The following PDE8A variants were observed in gnomAD, a reference collection of about 807,000 sequenced individuals.
PDE8A encodes the protein phosphodiesterase 8A.
A neutral mutation model predicts 105.0 loss-of-function variants in PDE8A; 59 were observed. The ratio of observed to expected loss-of-function variants is 0.56; its 90% confidence interval spans 0.46 to 0.70. The LOEUF is 0.70. Ranked by LOEUF, PDE8A falls within the 30% of genes least tolerant of loss-of-function variation. The pLI is 0.00. For synonymous variants in PDE8A, 355 were observed against 371.9 expected (o/e 0.95, Z 0.52); for missense variants, 1,014 against 1,045.9 (o/e 0.97, Z 0.42).
At chr15:85,074,373 C>A (rs2081353533) in intron 3 of PDE8A, among the ~76,000 whole-genome samples, 1 of 152,152 alleles carries the variant, frequency 6.6e-6, no homozygotes, top group Non-Finnish European at 1.5e-5. Context: ...ATATTTATTC[C>A]CTGACCCTTT....
chr15:85,117,862 C>T (rs1207530395), intron 17 of PDE8A, 23 bp downstream of exon 17: 1 of 1,565,304 alleles, frequency 6.4e-7, no homozygotes, highest in Non-Finnish European at 8.8e-7. Flanking sequence ...TTACCTGCCA[C>T]ATTTAATGGG....
chr15:85,091,655 C>A (rs1190303170), intron 8 of PDE8A, among the ~76,000 whole-genome samples: 1 of 152,136 alleles, frequency 6.6e-6, no homozygotes, highest in Non-Finnish European at 1.5e-5. Context: ...AACAAAAATT[C>A]CTGCCTTAGA....
chr15:85,064,328 C>T (rs1371330216), intron 1 of PDE8A, 42 bp from the exon 2 acceptor site: 1 of 1,464,310 alleles, frequency 6.8e-7, no homozygotes, highest in Non-Finnish European at 9.5e-7. Flanking sequence ...GCTTCTCTTT[C>T]TCCGTTGTCT....
intron 1 of PDE8A, among the ~76,000 whole-genome samples, chr15:84,985,292 G>A (rs2079784467): frequency 6.6e-6 from 1 of 152,192 alleles, no homozygotes; most frequent in African/African-American, 2.4e-5. Context: ...AGGCTGGGTT[G>A]TCTGTATGAA....
chr15:85,075,674 A>T (rs1377174987), intron 3 of PDE8A, among the ~76,000 whole-genome samples, 188 bp from the exon 4 acceptor site: 1 of 152,244 alleles, frequency 6.6e-6, no homozygotes, highest in Non-Finnish European at 1.5e-5. Flanking sequence ...CAGTCCACTG[A>T]GTGGGAGTTT....
chr15:85,093,669 C>T (rs1365843111), intron 8 of PDE8A, among the ~76,000 whole-genome samples: 1 of 152,204 alleles, frequency 6.6e-6, no homozygotes, highest in Non-Finnish European at 1.5e-5. Flanking sequence ...AGTGGCTCCT[C>T]TTTTGGGTAA....
chr15:85,067,237 T>C, intron 3 of PDE8A, 33 bp downstream of exon 3: 2 of 1,493,306 alleles, frequency 1.3e-6, no homozygotes, highest in South Asian at 1.2e-5. Context: ...AATAGTCCCA[T>C]TGGCCTTTCT....
chr15:85,064,457 T>A, intron 2 of PDE8A, 31 bp downstream of exon 2: 1 of 1,482,540 alleles, frequency 6.7e-7, no homozygotes, highest in Non-Finnish European at 9.4e-7. Context: ...ATTTTTCACA[T>A]GCTGATTTTC....
At chr15:85,087,649 A>G (rs2081576576) in intron 6 of PDE8A, among the ~76,000 whole-genome samples, 1 of 152,208 alleles carries the variant, frequency 6.6e-6, no homozygotes, top group African/African-American at 2.4e-5. Flanking sequence ...AGCAACCTAA[A>G]TGTCTAGTGA....
intron 1 of PDE8A, among the ~76,000 whole-genome samples, chr15:85,031,383 C>G (rs766252267): frequency 1.3e-5 from 2 of 152,108 alleles, no homozygotes; most frequent in Non-Finnish European, 2.9e-5. Context: ...ATCTGTGTGC[C>G]GTCAAAAACC....
intron 9 of PDE8A, 59 bp from the exon 10 acceptor site, chr15:85,099,956 G>A (rs113056126): frequency 6.5e-6 from 9 of 1,378,848 alleles, no homozygotes; most frequent in African/African-American, 2.9e-5. Flanking sequence ...AAAAATTAAC[G>A]ACATATCCAT....
intron 1 of PDE8A, among the ~76,000 whole-genome samples, chr15:85,003,939 T>C (rs2080105364): frequency 6.6e-6 from 1 of 152,212 alleles, no homozygotes. Context: ...TGCTTGTCTA[T>C]ATGGACAAGC....
intron 3 of PDE8A, among the ~76,000 whole-genome samples, chr15:85,067,922 C>A (rs1169059801): frequency 6.6e-6 from 1 of 151,962 alleles, no homozygotes; most frequent in Admixed American, 6.5e-5. Flanking sequence ...TTTACCCTTC[C>A]ATGACTTGCC....
chr15:85,069,100 T>C (rs1487075550), intron 3 of PDE8A, among the ~76,000 whole-genome samples: 1 of 152,174 alleles, frequency 6.6e-6, no homozygotes, highest in Non-Finnish European at 1.5e-5. Context: ...CTGAAATATT[T>C]CAATGAAAAA....
intron 1 of PDE8A, among the ~76,000 whole-genome samples, chr15:85,054,327 G>A (rs1362732098): frequency 4.6e-5 from 7 of 152,308 alleles, no homozygotes; most frequent in African/African-American, 1.7e-4. Flanking sequence ...GATGATGCTG[G>A]CCTCATAAAA....
chr15:85,112,185 G>A (rs746004503), intron 12 of PDE8A, among the ~76,000 whole-genome samples: 2 of 151,638 alleles, frequency 1.3e-5, no homozygotes, highest in African/African-American at 4.9e-5. Flanking sequence ...ATTTTTAATT[G>A]ACAAGAATTA....
chr15:85,006,796 G>C (rs190121997), intron 1 of PDE8A, among the ~76,000 whole-genome samples: 1 of 152,022 alleles, frequency 6.6e-6, no homozygotes, highest in Non-Finnish European at 1.5e-5. Context: ...ACTGTATTGC[G>C]AGTGGGAGGA....
chr15:85,104,434 CTT>C (rs1311233071), intron 11 of PDE8A, among the ~76,000 whole-genome samples: 6 of 152,134 alleles, frequency 3.9e-5, no homozygotes, highest in Admixed American at 6.5e-5. Context: ...CCAAGGGAAT[CTT>C]TATAAATAGG....
In PDE8A at chr15:84,982,288, G is replaced by T; in HGVS notation, c.126G>T (p.Leu42Phe). The change falls in exon 1 of 22, where the codon TTG becomes TTT. Residue 42 changes from leucine to phenylalanine, a missense_variant. By Grantham distance (22) the Leu-to-Phe change is conservative. Coordinates refer to ENST00000394553, the MANE Select transcript of PDE8A (RefSeq NM_002605.3). Reference sequence around the variant, plus strand: ...CGCAGGGCCAGAAGACGGCCGCCTTGCCCCGGACCCGCGGCGCCGGCCTCT... The same window carrying T: ...CGCAGGGCCAGAAGACGGCCGCCTTTCCCCGGACCCGCGGCGCCGGCCTCT... ...RLPQGQKTAA[L>F]PRTRGAGLLE... The T allele has an allele frequency of 7.2e-7, 1 of 1,387,514 alleles. No individual in the cohort carries two copies. Among genetic ancestry groups the T allele is most frequent in the Non-Finnish European group, 9.2e-7 (1 of 1,081,312 alleles). The allele number at this position is 1,387,514 out of a possible 1,614,324, so 86.0% of individuals were successfully genotyped here. A position where few individuals can be genotyped will look rare whatever the true frequency, so the allele number is the denominator to read the frequency against.
Sources: gnomAD v4.1 joint callset for allele counts (sites outside exome capture counted in the v4.1 genomes callset) on GRCh38, gnomAD v4.1.1 for gene constraint, MANE v1.5 for transcripts, NCBI Gene and HGNC (gene_info 2026-07-23, HGNC 2026-07-21) for gene names.